Variants in DRGX observed in about 807,000 individuals in gnomAD.
DRGX encodes the protein dorsal root ganglia homeobox protein.
A neutral mutation model predicts 28.6 loss-of-function variants in DRGX; 21 were observed. That is an observed-to-expected ratio of 0.73 (90% CI 0.52 to 1.06). The LOEUF is 1.06. Ranked by LOEUF, DRGX falls within the 50% of genes least tolerant of loss-of-function variation. The pLI is 0.00. For synonymous variants in DRGX, 136 were observed against 139.1 expected (o/e 0.98, Z 0.16); for missense variants, 354 against 343.9 (o/e 1.03, Z -0.23).
rs929872990 is a variant in DRGX, at chr10:49,368,163, T to C, written c.527-1782A>G. Reference sequence around the variant, plus strand: ...CATCACATTACGGCCACCCATAATGTAGGCGTGGTTCATCCCCCTCTCCAG... The same window carrying C: ...CATCACATTACGGCCACCCATAATGCAGGCGTGGTTCATCCCCCTCTCCAG... On this transcript the variant is annotated intron_variant, in intron 6 of 6. Coordinates refer to ENST00000374139, the MANE Select transcript of DRGX (RefSeq NM_001276451.2). 1.5e-4 allele frequency among the ~76,000 whole-genome samples: 23 copies of C among 152,334 alleles called. No homozygotes were observed. In the Middle Eastern group the frequency reaches 0.01, roughly 68 times the overall value.
chr10:49,376,180 C>A (rs1291472346), intron 6 of DRGX, among the ~76,000 whole-genome samples: 1 of 152,110 alleles, frequency 6.6e-6, no homozygotes, highest in Non-Finnish European at 1.5e-5. Context: ...GCCTCAGGTT[C>A]CCCCACTATA....
intron 4 of DRGX, among the ~76,000 whole-genome samples, chr10:49,389,467 G>A (rs1849875520): frequency 6.6e-6 from 1 of 152,198 alleles, no homozygotes; most frequent in South Asian, 2.1e-4. Context: ...AGGCGGCACC[G>A]TGAATCCCTT....
chr10:49,383,069 A>G (rs897682267), intron 6 of DRGX, among the ~76,000 whole-genome samples: 3 of 152,182 alleles, frequency 2.0e-5, no homozygotes, highest in Non-Finnish European at 2.9e-5. Context: ...GCTGACTCCA[A>G]GGCAGCCCCA....
chr10:49,387,566 G>A (rs762140493), intron 4 of DRGX, among the ~76,000 whole-genome samples: 5 of 151,894 alleles, frequency 3.3e-5, no homozygotes, highest in Non-Finnish European at 7.4e-5. Context: ...AGGAGGCTGA[G>A]GCAAGATAAT....
intron 2 of DRGX, among the ~76,000 whole-genome samples, chr10:49,395,105 A>C (rs1252642220): frequency 6.6e-6 from 1 of 152,190 alleles, no homozygotes; most frequent in Non-Finnish European, 1.5e-5. Context: ...GCGGAGCCCC[A>C]ATTAGAGGCG....
intron 2 of DRGX, among the ~76,000 whole-genome samples, chr10:49,392,179 GTGAATACT>G (rs1849913754): frequency 6.6e-6 from 1 of 152,228 alleles, no homozygotes; most frequent in Non-Finnish European, 1.5e-5. Flanking sequence ...CCATTAACCA[GTGAATACT>G]TTACCTGCCA....
chr10:49,391,113 TG>T, intron 3 of DRGX, 50 bp downstream of exon 3: 2 of 1,570,870 alleles, frequency 1.3e-6, no homozygotes, highest in Non-Finnish European at 1.8e-6. Context: ...AACTTTGATT[TG>T]GGGGAGGTAG....
intron 2 of DRGX, among the ~76,000 whole-genome samples, chr10:49,394,643 G>C (rs1849945928): frequency 6.6e-6 from 1 of 152,208 alleles, no homozygotes; most frequent in African/African-American, 2.4e-5. Context: ...GGCATGCTGA[G>C]GTCCCAACTG....
At chr10:49,386,448 G>T in intron 6 of DRGX, 30 bp downstream of exon 6, 7 of 1,495,582 alleles carry the variant, frequency 4.7e-6, no homozygotes, top group Non-Finnish European at 6.3e-6. Context: ...ATGAGGCCAC[G>T]CCCACCAGCC....
At chr10:49,366,610 C>T (rs1849604781) in intron 6 of DRGX, among the ~76,000 whole-genome samples, 1 of 152,260 alleles carries the variant, frequency 6.6e-6, no homozygotes. Flanking sequence ...CGAGTCCTGG[C>T]TCCCTTGCCA....
chr10:49,366,397 C>A lies in DRGX; in HGVS notation c.527-16G>T. 5 of 1,587,648 alleles carry A rather than the reference C, an allele frequency of 3.1e-6. No individual in the cohort carries two copies. Among genetic ancestry groups the A allele is most frequent in the Non-Finnish European group, 3.4e-6 (4 of 1,162,638 alleles). On this transcript the variant is annotated splice_polypyrimidine_tract_variant and intron_variant, in intron 6 of 6. Transcript: ENST00000374139. ...AGTGGGCCCCCTGGAAAAGGAAAAACAACAGGCTCCCATCACTGTCTACTT... is the reference window on the plus strand; with the variant it reads ...AGTGGGCCCCCTGGAAAAGGAAAAAAAACAGGCTCCCATCACTGTCTACTT...
chr10:49,367,556 T>A (rs558582916), intron 6 of DRGX, among the ~76,000 whole-genome samples: 1 of 152,334 alleles, frequency 6.6e-6, no homozygotes, highest in East Asian at 1.9e-4. Context: ...ACAGGTGTCA[T>A]GAACTGAGGT....
chr10:49,369,040 A>G (rs1849627931), intron 6 of DRGX, among the ~76,000 whole-genome samples: 1 of 152,210 alleles, frequency 6.6e-6, no homozygotes, highest in East Asian at 1.9e-4. Context: ...AGCTTGCTCC[A>G]ATGTAAGCAT....
chr10:49,394,776 G>A (rs1040228812), intron 2 of DRGX, among the ~76,000 whole-genome samples: 5 of 151,950 alleles, frequency 3.3e-5, no homozygotes, highest in African/African-American at 7.3e-5. Flanking sequence ...GGCCTGGGGA[G>A]TGGGGAGTGG....
chr10:49,382,516 C>T (rs969709476), intron 6 of DRGX, among the ~76,000 whole-genome samples: 4 of 152,312 alleles, frequency 2.6e-5, no homozygotes, highest in African/African-American at 9.6e-5. Context: ...CAGAGCTCCT[C>T]AAACTGAGCT....
chr10:49,395,273 G>T, intron 2 of DRGX, 134 bp downstream of exon 2: 1 of 1,072,050 alleles, frequency 9.3e-7, no homozygotes, highest in African/African-American at 1.6e-5. Flanking sequence ...GGTCCAGGGA[G>T]GCCCCTACTC....
intron 6 of DRGX, among the ~76,000 whole-genome samples, chr10:49,383,626 G>A (rs1849800855): frequency 6.6e-6 from 1 of 152,190 alleles, no homozygotes; most frequent in Non-Finnish European, 1.5e-5. Flanking sequence ...TTCATAGATT[G>A]AAATCTTGTG....
chr10:49,368,467 G>A (rs766779732), intron 6 of DRGX, among the ~76,000 whole-genome samples: 1 of 152,258 alleles, frequency 6.6e-6, no homozygotes, highest in East Asian at 1.9e-4. Flanking sequence ...AAACCCCGAG[G>A]CCTGGCTGCT....
intron 6 of DRGX, among the ~76,000 whole-genome samples, chr10:49,385,381 C>T (rs368576776): frequency 6.6e-6 from 1 of 152,162 alleles, no homozygotes; most frequent in African/African-American, 2.4e-5. Flanking sequence ...AAGCTCTGGC[C>T]CCTGCTGGGC....
Sources: gnomAD v4.1 joint callset for allele counts (sites outside exome capture counted in the v4.1 genomes callset) on GRCh38, gnomAD v4.1.1 for gene constraint, MANE v1.5 for transcripts, NCBI Gene and HGNC (gene_info 2026-07-23, HGNC 2026-07-21) for gene names.